BICC1: variants seen among roughly 807,000 people sequenced by gnomAD.
BICC1 encodes the protein protein bicaudal C homolog 1.
A neutral mutation model predicts 111.0 loss-of-function variants in BICC1; 43 were observed. That is an observed-to-expected ratio of 0.39 (90% CI 0.30 to 0.50). The LOEUF (loss-of-function observed/expected upper bound fraction) is 0.50. Among genes scored for constraint, BICC1 ranks in the 20% least tolerant of loss-of-function variants. The probability of loss-of-function intolerance (pLI) is 0.88; values close to 1 mark genes in which losing one functional copy is unlikely to be tolerated. For synonymous variants in BICC1, 467 were observed against 434.4 expected (o/e 1.07, Z -0.93); for missense variants, 1,091 against 1,203.2 (o/e 0.91, Z 1.38).
At chr10:58,548,087 A>C (rs184386280) in intron 1 of BICC1, among the ~76,000 whole-genome samples, 102 of 152,312 alleles carry the variant, frequency 6.7e-4, no homozygotes, top group Non-Finnish European at 1.1e-3. Context: ...AAATATTTGT[A>C]TTTGTGTCTG....
At chr10:58,521,870 C>T (rs1842400326) in intron 1 of BICC1, among the ~76,000 whole-genome samples, 1 of 139,982 alleles carries the variant, frequency 7.1e-6, no homozygotes, top group African/African-American at 2.6e-5. Context: ...GTGGTGTTGG[C>T]AGGATTGGCA....
At chr10:58,714,643 A>G (rs1840679971) in intron 3 of BICC1, among the ~76,000 whole-genome samples, 1 of 152,068 alleles carries the variant, frequency 6.6e-6, no homozygotes, top group Admixed American at 6.5e-5. Flanking sequence ...TGAACACCAC[A>G]ATGGTGCTGT....
chr10:58,808,716 A>AT (rs879655441), intron 17 of BICC1, among the ~76,000 whole-genome samples: 1 of 74,872 alleles, frequency 1.3e-5, no homozygotes, highest in Non-Finnish European at 2.9e-5. Context: ...ATTTAAAAAA[A>AT]ATTTTTTTTT....
chr10:58,619,427 T>G (rs1845724455), intron 1 of BICC1, among the ~76,000 whole-genome samples: 2 of 152,052 alleles, frequency 1.3e-5, no homozygotes, highest in Non-Finnish European at 2.9e-5. Flanking sequence ...AAAAAGAATG[T>G]AAATACTTGT....
chr10:58,725,224 C>T (rs984221034), intron 3 of BICC1, among the ~76,000 whole-genome samples: 3 of 152,110 alleles, frequency 2.0e-5, no homozygotes, highest in Non-Finnish European at 4.4e-5. Context: ...ATCGATCATG[C>T]AAGACATGTA....
chr10:58,724,275 C>T (rs994319521), intron 3 of BICC1, among the ~76,000 whole-genome samples: 9 of 152,162 alleles, frequency 5.9e-5, no homozygotes, highest in Non-Finnish European at 1.3e-4. Flanking sequence ...TTCCTAGTTA[C>T]ATAATCTGTA....
intron 1 of BICC1, among the ~76,000 whole-genome samples, chr10:58,529,790 T>A (rs1286630755): frequency 6.6e-6 from 1 of 151,814 alleles, no homozygotes; most frequent in African/African-American, 2.4e-5. Flanking sequence ...CACAGAAAGA[T>A]CACCTTCAAA....
At chr10:58,605,550 T>A (rs761063104) in intron 1 of BICC1, among the ~76,000 whole-genome samples, 10 of 152,246 alleles carry the variant, frequency 6.6e-5, no homozygotes, top group Non-Finnish European at 1.3e-4. Context: ...TTCCAGGACC[T>A]CCTATGGATA....
At chr10:58,651,082 G>T (rs993638778) in intron 2 of BICC1, among the ~76,000 whole-genome samples, 2 of 152,114 alleles carry the variant, frequency 1.3e-5, no homozygotes, top group African/African-American at 4.8e-5. Context: ...CCTGCCCTGA[G>T]CACTTTCCAG....
chr10:58,790,905 A>G (rs1288432820), intron 8 of BICC1, among the ~76,000 whole-genome samples: 2 of 152,250 alleles, frequency 1.3e-5, no homozygotes, highest in African/African-American at 2.4e-5. Context: ...AAATATTTGT[A>G]TTAAAAACAC....
chr10:58,549,847 G>A (rs1649061), intron 1 of BICC1, among the ~76,000 whole-genome samples: 69,511 of 150,810 alleles, frequency 0.46, 16,966 homozygotes, highest in Admixed American at 0.62. Context: ...CATTGTGCCC[G>A]GCTAATTTTT....
chr10:58,742,751 C>G (rs116390441), intron 3 of BICC1, among the ~76,000 whole-genome samples: 1 of 152,024 alleles, frequency 6.6e-6, no homozygotes, highest in Non-Finnish European at 1.5e-5. Flanking sequence ...ATTCTCTGGT[C>G]TAACTGTGTG....
chr10:58,631,449 G>C (rs1054455614), intron 2 of BICC1, among the ~76,000 whole-genome samples: 1 of 150,404 alleles, frequency 6.6e-6, no homozygotes, highest in African/African-American at 2.4e-5. Flanking sequence ...GTTGTCTTTT[G>C]GCATTTTAAG....
At chr10:58,686,448 C>T (rs1366178594) in intron 2 of BICC1, among the ~76,000 whole-genome samples, 3 of 152,140 alleles carry the variant, frequency 2.0e-5, no homozygotes, top group Admixed American at 2.0e-4. Flanking sequence ...TGGATAATAT[C>T]CTGAAGAATG....
intron 2 of BICC1, among the ~76,000 whole-genome samples, chr10:58,662,545 C>G (rs1449073791): frequency 6.6e-6 from 1 of 151,828 alleles, no homozygotes; most frequent in Non-Finnish European, 1.5e-5. Flanking sequence ...CGAAAGCTCT[C>G]GAAAGGTGAA....
intron 1 of BICC1, among the ~76,000 whole-genome samples, chr10:58,547,134 A>G (rs1843162074): frequency 1.3e-5 from 2 of 152,192 alleles, no homozygotes; most frequent in South Asian, 4.1e-4. Context: ...TGAGCCAGTA[A>G]TGATGCATTG....
chr10:58,787,428 T>C (rs1234329256), intron 5 of BICC1, among the ~76,000 whole-genome samples: 3 of 152,196 alleles, frequency 2.0e-5, no homozygotes, highest in Non-Finnish European at 2.9e-5. Context: ...GGTAGAGACC[T>C]GGAAGTAAAT....
intron 1 of BICC1, among the ~76,000 whole-genome samples, chr10:58,571,951 A>C (rs977861089): frequency 2.6e-5 from 4 of 152,188 alleles, no homozygotes; most frequent in African/African-American, 9.6e-5. Context: ...TACTACCACC[A>C]ACAGTGTAAA....
At chr10:58,546,837 A>G (rs1843150758) in intron 1 of BICC1, among the ~76,000 whole-genome samples, 1 of 152,046 alleles carries the variant, frequency 6.6e-6, no homozygotes, top group African/African-American at 2.4e-5. Flanking sequence ...GTACTTTTTC[A>G]AAAAAATTTA....
Sources: gnomAD v4.1 joint callset for allele counts (sites outside exome capture counted in the v4.1 genomes callset) on GRCh38, gnomAD v4.1.1 for gene constraint, MANE v1.5 for transcripts, NCBI Gene and HGNC (gene_info 2026-07-23, HGNC 2026-07-21) for gene names.